Variants in JADE2 observed in about 807,000 individuals in gnomAD.
JADE2 encodes jade family PHD finger 2.
A neutral mutation model predicts 85.7 loss-of-function variants in JADE2; 13 were observed. The observed-to-expected ratio is 0.15, with a 90% CI of 0.10 to 0.24. The LOEUF (loss-of-function observed/expected upper bound fraction) is 0.24, where lower values mean the gene tolerates loss of function less well. Ranked by LOEUF, JADE2 falls within the 10% of genes least tolerant of loss-of-function variation. JADE2 has a pLI of 1.00. For missense variants in JADE2, 846 were observed against 1,115.9 expected (o/e 0.76, Z 3.45); for synonymous variants, 440 against 456.1 (o/e 0.96, Z 0.45).
rs148127168 is a variant in JADE2, at chr5:134,577,761, C to G, written c.1682-733C>G. On this transcript the variant is annotated intron_variant, in intron 11 of 11. Coordinates refer to ENST00000681547, the MANE Select transcript of JADE2 (RefSeq NM_001388185.1). ...TCTAACAGGAAACCCAGTCTCCCGT[C>G]TCGCCAGCTGCCCCCTCCCAAGACC... Among the ~76,000 whole-genome samples the G allele has an allele frequency of 1.2e-4, 18 of 152,298 alleles. 1 individual carries two copies. In the Middle Eastern group the frequency reaches 0.014, roughly 115 times the overall value.
intron 1 of JADE2, among the ~76,000 whole-genome samples, chr5:134,527,702 C>G (rs965100642): frequency 5.3e-5 from 8 of 151,928 alleles, no homozygotes; most frequent in Non-Finnish European, 1.2e-4. Context: ...GCCTGCGGTC[C>G]CGCGGACTGC....
chr5:134,552,183 A>C lies in JADE2; in HGVS notation c.285A>C (p.Ala95=), dbSNP rs34704006. The part of the protein sequence containing the change: ...WEKGVQVPAG[A]EAIPEPVVRI... ...AAGGTGTGCAGGTGCCTGCCGGGGC[A>C]GAGGCCATCCCAGAGCCCGTGGTGA... Residue 95 remains alanine, a synonymous_variant, in exon 4 of 12, where the codon GCA becomes GCC. Transcript: ENST00000681547. 103 of 1,614,108 alleles carry C rather than the reference A, an allele frequency of 6.4e-5. No homozygotes were observed. The South Asian group carries it at 1.1e-3, about 17-fold the overall frequency.
rs748094410 is a variant in JADE2, at chr5:134,560,971, C to A, written c.684+14C>A. The A allele has an allele frequency of 6.2e-6, 10 of 1,606,314 alleles. No homozygotes were observed. In the South Asian group the frequency reaches 1.1e-4, roughly 18 times the overall value. On this transcript the variant is annotated intron_variant, in intron 6 of 11. Coordinates refer to ENST00000681547, the MANE Select transcript of JADE2 (RefSeq NM_001388185.1). Reference sequence around the variant, plus strand: ...TGTGTGCATCAGGTGGGCAGACCCCCCAGTCACCCTCACCTGTGCCATGTA... The same window carrying A: ...TGTGTGCATCAGGTGGGCAGACCCCACAGTCACCCTCACCTGTGCCATGTA...
intron 6 of JADE2, among the ~76,000 whole-genome samples, chr5:134,561,381 A>C (rs1763309985): frequency 6.6e-6 from 1 of 152,210 alleles, no homozygotes. Context: ...GTGTTTTCTC[A>C]GTTATGCATA....
At chr5:134,567,162 C>T (rs1763694660) in intron 9 of JADE2, among the ~76,000 whole-genome samples, 1 of 152,138 alleles carries the variant, frequency 6.6e-6, no homozygotes, top group African/African-American at 2.4e-5. Flanking sequence ...AGGGTGGACT[C>T]AAGGAACGGT....
At chr5:134,551,915 CT>C in intron 3 of JADE2, 136 bp from the exon 4 acceptor site, 1 of 806,530 alleles carries the variant, frequency 1.2e-6, no homozygotes, top group Non-Finnish European at 2.1e-6. Flanking sequence ...GTGCTGATTG[CT>C]TTTATTTCGT....
At chr5:134,540,369 C>T (rs62381443) in intron 3 of JADE2, among the ~76,000 whole-genome samples, 20,736 of 151,776 alleles carry the variant, frequency 0.14, 1,791 homozygotes, top group Middle Eastern at 0.25. Flanking sequence ...CAGGTGCACA[C>T]CACTATGCCT....
Position 134,562,719 on chromosome 5 carries a change from G to A in JADE2, c.852+352G>A, listed in dbSNP as rs991544185. ...TTGGAGGTTGCAGTGAACCGAGATCGCACCACTGCACTCCAGCCTGGGTGA... is the reference window on the plus strand; with the variant it reads ...TTGGAGGTTGCAGTGAACCGAGATCACACCACTGCACTCCAGCCTGGGTGA... On this transcript the variant is annotated intron_variant, in intron 7 of 11. Coordinates refer to ENST00000681547, the MANE Select transcript of JADE2 (RefSeq NM_001388185.1). This position sits in a 1 kb window ranked among gnomAD's most constrained non-coding sequence, Gnocchi z 4.6. Among the ~76,000 whole-genome samples, 3 of 152,108 alleles carry A rather than the reference G, an allele frequency of 2.0e-5. No individual in the cohort carries two copies. The highest frequency in any genetic ancestry group is 4.4e-5 in the Non-Finnish European group (3 of 68,022).
chr5:134,554,216 G>A (rs1310875513), intron 4 of JADE2, among the ~76,000 whole-genome samples: 2 of 152,190 alleles, frequency 1.3e-5, no homozygotes, highest in Admixed American at 6.5e-5. Flanking sequence ...GATTGGAAGG[G>A]GAGGGGTCAG....
At chr5:134,576,056 G>A (rs563611643) in intron 10 of JADE2, among the ~76,000 whole-genome samples, 87 of 152,222 alleles carry the variant, frequency 5.7e-4, no homozygotes, top group African/African-American at 1.9e-3. Context: ...AAAATTAGCC[G>A]GGTGTGGTGG....
chr5:134,529,200 C>G (rs1375140786), intron 1 of JADE2, among the ~76,000 whole-genome samples: 1 of 152,200 alleles, frequency 6.6e-6, no homozygotes, highest in Non-Finnish European at 1.5e-5. Flanking sequence ...CCTCACAGTT[C>G]TCCCTTTAGG....
chr5:134,526,030 C>T lies in JADE2; in HGVS notation c.-1+19C>T. ...GAGCAAGGTAAGATCCAGCCCCCGG[C>T]GGATGGGCCCTGCGCATCTCCACGA... On this transcript the variant is annotated intron_variant, in intron 1 of 11. Transcript: ENST00000681547. 1.0e-6 allele frequency: 1 copy of T among 985,408 alleles called. No individual in the cohort carries two copies. The highest frequency in any genetic ancestry group is 1.2e-6 in the Non-Finnish European group (1 of 829,994). 61.0% of individuals were successfully genotyped at this position (985,408 alleles called of 1,614,324 possible).
rs1554131270 is a variant in JADE2 at position 134,580,433 on chromosome 5, C to CCCG, written c.*1117_*1119dup. On this transcript the variant is annotated 3_prime_UTR_variant, in exon 12 of 12. Transcript: ENST00000681547. ...AACCCCTCGCACAGCCATCCCCCCC[C>CCCG]CCGTCCTGCCATCCCCCCCCGCCGT... 3.9e-5 allele frequency: 5 copies of CCCG among 128,862 alleles called. No individual in the cohort carries two copies. Among genetic ancestry groups the CCCG allele is most frequent in the African/African-American group, 1.4e-4 (5 of 35,592 alleles). 8.0% of individuals were successfully genotyped at this position (128,862 alleles called of 1,614,324 possible).
chr5:134,564,485 C>A lies in JADE2; in HGVS notation c.853-9C>A. 6.4e-7 allele frequency: 1 copy of A among 1,574,338 alleles called. No homozygotes were observed. Among genetic ancestry groups the A allele is most frequent in the Non-Finnish European group, 8.6e-7 (1 of 1,157,542 alleles). On this transcript the variant is annotated splice_polypyrimidine_tract_variant and intron_variant, in intron 7 of 11. Transcript: ENST00000681547. Reference sequence around the variant, plus strand: ...AGAGGAATGATGCAGCCCCCTGTGTCCTGCCCAGGTCAGCATCGGCTGCCC... The same window carrying A: ...AGAGGAATGATGCAGCCCCCTGTGTACTGCCCAGGTCAGCATCGGCTGCCC...
chr5:134,572,507 G>T (rs1764099085), intron 9 of JADE2, among the ~76,000 whole-genome samples: 1 of 152,246 alleles, frequency 6.6e-6, no homozygotes, highest in African/African-American at 2.4e-5. Flanking sequence ...GGTCACCCCA[G>T]CTTAAGGACA....
At chr5:134,526,548 G>C in intron 1 of JADE2, 1 of 985,358 alleles carries the variant, frequency 1.0e-6, no homozygotes, top group Non-Finnish European at 1.2e-6. Flanking sequence ...GAACCGGGCT[G>C]AGCCGGTGCA....
rs57068190 is a variant in JADE2 at position 134,576,661 on chromosome 5, A to T, written c.1553-107A>T. Reference sequence around the variant, plus strand: ...TCCAACCTTTTTGCTGTGGAGGGTGAGCACTGGCTGATGGAGGACTCCTGG... The same window carrying T: ...TCCAACCTTTTTGCTGTGGAGGGTGTGCACTGGCTGATGGAGGACTCCTGG... On this transcript the variant is annotated intron_variant, in intron 10 of 11. Transcript: ENST00000681547. 2.7e-3 allele frequency: 3,551 copies of T among 1,335,332 alleles called. 90 individuals carry two copies. In the African/African-American group the frequency reaches 0.045, roughly 17 times the overall value. 82.7% of individuals were successfully genotyped at this position (1,335,332 alleles called of 1,614,324 possible).
intron 1 of JADE2, among the ~76,000 whole-genome samples, chr5:134,527,664 C>A (rs1258174691): frequency 6.7e-6 from 1 of 150,148 alleles, no homozygotes; most frequent in Non-Finnish European, 1.5e-5. Flanking sequence ...CCGGCTCCGG[C>A]GGTCGGAATC....
chr5:134,553,246 C>T (rs1581434553), intron 4 of JADE2, among the ~76,000 whole-genome samples: 1 of 152,178 alleles, frequency 6.6e-6, no homozygotes, highest in African/African-American at 2.4e-5. Context: ...GCTGGGATTA[C>T]AGGCATGAGC....
Sources: allele counts gnomAD v4.1 joint callset (sites outside exome capture counted in the v4.1 genomes callset), GRCh38; gene constraint gnomAD v4.1.1; non-coding constraint Gnocchi (gnomAD v3.1); transcripts MANE v1.5; gene names NCBI Gene and HGNC (gene_info 2026-07-23, HGNC 2026-07-21).